Variants in LRP1B observed in about 807,000 individuals in gnomAD.
LRP1B encodes the protein LDL receptor related protein 1B.
A neutral mutation model predicts 556.6 loss-of-function variants in LRP1B; 217 were observed. The observed-to-expected ratio is 0.39, with a 90% CI of 0.35 to 0.44. The LOEUF (loss-of-function observed/expected upper bound fraction) is 0.44, where lower values mean the gene tolerates loss of function less well. Among genes scored for constraint, LRP1B ranks in the 20% least tolerant of loss-of-function variants. The pLI, the probability that LRP1B is intolerant of heterozygous loss-of-function variation, is 1.00. For synonymous variants in LRP1B, 2,047 were observed against 1,865.8 expected, an observed-to-expected ratio of 1.10 and a Z score of -2.50; for missense variants, 5,053 against 5,620.8, an observed-to-expected ratio of 0.90 and a Z score of 3.23.
chr2:142,010,921 T>C (rs1702942445), intron 1 of LRP1B, among the ~76,000 whole-genome samples: 1 of 152,208 alleles, frequency 6.6e-6, no homozygotes, highest in Admixed American at 6.5e-5. Flanking sequence ...TGCTGCTCCC[T>C]GCTTCATGTA....
intron 17 of LRP1B, 125 bp from the exon 18 acceptor site, chr2:140,982,401 T>C: frequency 1.6e-6 from 1 of 606,136 alleles, no homozygotes; most frequent in Non-Finnish European, 2.8e-6. Flanking sequence ...AATAAAATAT[T>C]TTAAAAGTCC....
At position 141,058,916 on chromosome 2, in the gene LRP1B, T is replaced by G. The variant is rs2105462615; in HGVS notation, c.1375A>C (p.Ile459Leu). 1.3e-6 allele frequency: 2 copies of G among 1,590,956 alleles called. No individual in the cohort carries two copies. The highest frequency in any genetic ancestry group is 1.7e-6 in the Non-Finnish European group (2 of 1,171,584). Residue 459 changes from isoleucine to leucine, a missense_variant, in exon 9 of 91, where the codon ATC (isoleucine) becomes CTC (leucine). Ile to Leu is a conservative substitution (Grantham distance 5, BLOSUM62 2). Transcript: ENST00000389484. ...TGAGTTCTTTTTTGATAAATTCGGA[T>G]TCCCCAAGCATTCTCAATTTTAATT... is the stretch of plus-strand genomic sequence containing the variant. ...SLIKIENAWG[I>L]RIYQKRTQPT...
At chr2:141,395,526 G>A (rs1690210347) in intron 3 of LRP1B, among the ~76,000 whole-genome samples, 1 of 152,052 alleles carries the variant, frequency 6.6e-6, no homozygotes, top group Non-Finnish European at 1.5e-5. Flanking sequence ...TGATGAAATT[G>A]ATTAACAATG....
At chr2:141,882,109 C>A (rs1698978194) in intron 1 of LRP1B, among the ~76,000 whole-genome samples, 1 of 151,964 alleles carries the variant, frequency 6.6e-6, no homozygotes, top group African/African-American at 2.4e-5. Flanking sequence ...ATACACCCTG[C>A]CCATCTCATG....
chr2:140,396,140 A>G (rs575627912), intron 66 of LRP1B, among the ~76,000 whole-genome samples: 9 of 152,334 alleles, frequency 5.9e-5, no homozygotes, highest in African/African-American at 2.2e-4. Context: ...ATAGAGGGAT[A>G]GAGAGGTCTT....
intron 1 of LRP1B, among the ~76,000 whole-genome samples, chr2:142,058,189 C>T (rs1184291390): frequency 6.6e-6 from 1 of 152,188 alleles, no homozygotes; most frequent in Non-Finnish European, 1.5e-5. Flanking sequence ...CCACCCTCAG[C>T]AACCCCAACA....
chr2:141,050,893 G>A (rs1558826213), intron 10 of LRP1B, among the ~76,000 whole-genome samples: 1 of 151,910 alleles, frequency 6.6e-6, no homozygotes, highest in Non-Finnish European at 1.5e-5. Flanking sequence ...TTTGACAAAG[G>A]ACTAGTATCC....
intron 56 of LRP1B, among the ~76,000 whole-genome samples, chr2:140,493,592 GAC>G (rs1688793885): frequency 6.7e-6 from 1 of 149,834 alleles, no homozygotes; most frequent in South Asian, 2.1e-4. Flanking sequence ...TTTTTTTTAA[GAC>G]ACATTCATAA....
intron 27 of LRP1B, among the ~76,000 whole-genome samples, chr2:140,853,949 G>A (rs1419633814): frequency 6.6e-6 from 1 of 151,872 alleles, no homozygotes; most frequent in African/African-American, 2.4e-5. Context: ...GAAAGGTGTT[G>A]CAGGACAGGA....
intron 43 of LRP1B, among the ~76,000 whole-genome samples, chr2:140,585,631 G>T (rs1681953983): frequency 1.3e-5 from 2 of 151,968 alleles, no homozygotes; most frequent in Admixed American, 1.3e-4. Flanking sequence ...CAGTTTTTTT[G>T]AACCAGTCCA....
At chr2:142,124,701 C>T (rs1377268243) in intron 1 of LRP1B, among the ~76,000 whole-genome samples, 2 of 151,614 alleles carry the variant, frequency 1.3e-5, no homozygotes, top group Admixed American at 6.6e-5. Context: ...TATAATACCC[C>T]ATTATATAAA....
At chr2:140,683,726 C>G (rs990218417) in intron 41 of LRP1B, 1 of 797,748 alleles carries the variant, frequency 1.3e-6, no homozygotes, top group Non-Finnish European at 2.2e-6. Context: ...CTCTGTGCTC[C>G]CCGGGCTAGT....
chr2:141,589,006 C>G (rs1687234853), intron 2 of LRP1B, among the ~76,000 whole-genome samples: 1 of 152,064 alleles, frequency 6.6e-6, no homozygotes, highest in Non-Finnish European at 1.5e-5. Flanking sequence ...AAAACATTCC[C>G]TGGCTTTATT....
chr2:140,372,861 T>A lies in LRP1B; in HGVS notation c.10768+147A>T. 3.8e-6 allele frequency: 3 copies of A among 796,958 alleles called. No individual in the cohort carries two copies. In the South Asian group the frequency reaches 4.8e-5, roughly 13 times the overall value. The allele number at this position is 796,958 out of a possible 1,614,324, so 49.4% of individuals were successfully genotyped here. A position where few individuals can be genotyped will look rare whatever the true frequency, so the allele number is the denominator to read the frequency against. ...TCAAAACATATGAAGCACACACTAA[T>A]TAATTTATCCACAGATTTGCAGACC... On this transcript the variant is annotated intron_variant, in intron 69 of 90. Coordinates refer to ENST00000389484, the MANE Select transcript of LRP1B (RefSeq NM_018557.3).
chr2:140,927,084 T>C (rs1694907969), intron 20 of LRP1B, among the ~76,000 whole-genome samples: 1 of 152,192 alleles, frequency 6.6e-6, no homozygotes, highest in Admixed American at 6.6e-5. Flanking sequence ...GGCAGGCAGA[T>C]CACCTGAAGT....
chr2:141,131,424 T>TATATATATATATATATATATAA, intron 7 of LRP1B, among the ~76,000 whole-genome samples: 1 of 146,642 alleles, frequency 6.8e-6, no homozygotes, highest in Non-Finnish European at 1.5e-5. Context: ...TATATATATA[T>TATATATATATATATATATATAA]ATATATTTGC....
intron 2 of LRP1B, among the ~76,000 whole-genome samples, chr2:141,728,423 AAG>A (rs1339810807): frequency 6.6e-6 from 1 of 152,074 alleles, no homozygotes; most frequent in African/African-American, 2.4e-5. Flanking sequence ...CTAATAAAGG[AAG>A]AGAGAGTCTA....
At chr2:140,931,130 A>T (rs914214880) in intron 20 of LRP1B, among the ~76,000 whole-genome samples, 54 of 152,252 alleles carry the variant, frequency 3.5e-4, no homozygotes, top group African/African-American at 1.3e-3. Flanking sequence ...TAAACTCCCT[A>T]GGGGATGCTG....
Position 141,507,112 on chromosome 2 carries a change from T to C in LRP1B, c.206-26579A>G, listed in dbSNP as rs116998767. On this transcript the variant is annotated intron_variant, in intron 2 of 90. Transcript: ENST00000389484. The stretch of plus-strand genomic sequence containing the variant: ...AGATCAGATTATTACTTTTGAAAAA[T>C]ACAGTAAGTAAAATAATTTATTCAT... 5.8e-4 allele frequency among the ~76,000 whole-genome samples: 88 copies of C among 152,240 alleles called. No homozygotes were observed. The East Asian group carries it at 0.015, about 27-fold the overall frequency.
Sources: allele counts gnomAD v4.1 joint callset (sites outside exome capture counted in the v4.1 genomes callset), GRCh38; gene constraint gnomAD v4.1.1; transcripts MANE v1.5; gene names NCBI Gene and HGNC (gene_info 2026-07-23, HGNC 2026-07-21).